CENPP: variants seen among roughly 807,000 people sequenced by gnomAD.
The protein encoded by CENPP is centromere protein P.
CENPP carries 24 observed loss-of-function variants against 35.6 expected under a neutral mutation model. The ratio of observed to expected loss-of-function variants is 0.67; its 90% CI spans 0.49 to 0.95. CENPP has a LOEUF of 0.95. Among genes scored for constraint, CENPP ranks in the 40% least tolerant of loss-of-function variants. The pLI is 0.00. For missense variants in CENPP, 332 were observed against 345.3 expected, an observed-to-expected ratio of 0.96 and a Z score of 0.31; for synonymous variants, 120 against 125.5, an observed-to-expected ratio of 0.96 and a Z score of 0.29.
chr9:92,517,589 C>A, intron 5 of CENPP: 3 of 1,520,912 alleles, frequency 2.0e-6, no homozygotes, highest in Non-Finnish European at 2.7e-6. Context: ...TCAGATCTGA[C>A]TAATGTATCA....
chr9:92,368,382 A>T (rs539569244), intron 4 of CENPP, among the ~76,000 whole-genome samples: 1 of 152,316 alleles, frequency 6.6e-6, no homozygotes, highest in Admixed American at 6.5e-5. Context: ...GGTACCAATC[A>T]TTTTTGGATA....
At chr9:92,489,050 T>C (rs1302113938) in intron 5 of CENPP, among the ~76,000 whole-genome samples, 1 of 152,238 alleles carries the variant, frequency 6.6e-6, no homozygotes, top group East Asian at 1.9e-4. Flanking sequence ...GTATCACCAC[T>C]AAAGTTTACT....
chr9:92,433,738 C>T (rs1238662652), intron 5 of CENPP, among the ~76,000 whole-genome samples: 1 of 151,922 alleles, frequency 6.6e-6, no homozygotes, highest in Non-Finnish European at 1.5e-5. Context: ...TCGAGACCAG[C>T]GTGACCAACA....
chr9:92,484,247 C>A lies in CENPP; in HGVS notation c.564+104388C>A, dbSNP rs1185522748. Among the ~76,000 whole-genome samples, 4 of 152,248 alleles carry A rather than the reference C, an allele frequency of 2.6e-5. No individual in the cohort carries two copies. The East Asian group carries it at 5.8e-4, about 22-fold the overall frequency. On this transcript the variant is annotated intron_variant, in intron 5 of 7. Coordinates refer to ENST00000375587, the MANE Select transcript of CENPP (RefSeq NM_001012267.3). The stretch of plus-strand genomic sequence containing the variant: ...TACAAAATGACCCCAATCAAGAAAT[C>A]CCAGCCTCACACTCCATTCTCATAC...
At chr9:92,533,438 G>A (rs564853260) in intron 5 of CENPP, among the ~76,000 whole-genome samples, 3 of 139,862 alleles carry the variant, frequency 2.1e-5, no homozygotes, top group Non-Finnish European at 4.5e-5. Flanking sequence ...GTTTCTCTCT[G>A]TCCTCCTGAG....
intron 5 of CENPP, among the ~76,000 whole-genome samples, chr9:92,552,816 C>T (rs1375032343): frequency 6.6e-6 from 1 of 152,142 alleles, no homozygotes; most frequent in Non-Finnish European, 1.5e-5. Context: ...CTGACTGTTC[C>T]TTTTGCCGTG....
chr9:92,573,904 C>G (rs560426671), intron 5 of CENPP, among the ~76,000 whole-genome samples: 1 of 152,180 alleles, frequency 6.6e-6, no homozygotes, highest in Admixed American at 6.6e-5. Context: ...GAGCCAGGCG[C>G]GGGATGTAAT....
intron 5 of CENPP, among the ~76,000 whole-genome samples, chr9:92,519,520 A>G (rs1272476942): frequency 6.6e-6 from 1 of 152,206 alleles, no homozygotes; most frequent in Admixed American, 6.5e-5. Flanking sequence ...TTTATGAACA[A>G]TTGATTTTCA....
chr9:92,580,048 T>C (rs1850382587), intron 5 of CENPP, among the ~76,000 whole-genome samples: 2 of 151,568 alleles, frequency 1.3e-5, no homozygotes, highest in Admixed American at 1.3e-4. Context: ...TTTCTGCATC[T>C]ATTGAGATAA....
chr9:92,598,233 G>A (rs1199158233), intron 5 of CENPP, among the ~76,000 whole-genome samples: 2 of 152,198 alleles, frequency 1.3e-5, no homozygotes, highest in Non-Finnish European at 2.9e-5. Flanking sequence ...AAGGGCAGGG[G>A]CCAGCTCTCA....
intron 5 of CENPP, among the ~76,000 whole-genome samples, chr9:92,408,519 G>A (rs75860335): frequency 2.0e-4 from 31 of 152,176 alleles, no homozygotes; most frequent in Admixed American, 6.5e-4. Context: ...ACCTTCCCCT[G>A]ACCTTGGCAA....
intron 5 of CENPP, among the ~76,000 whole-genome samples, chr9:92,492,416 GACA>G (rs1564350935): frequency 6.6e-6 from 1 of 152,214 alleles, no homozygotes; most frequent in Non-Finnish European, 1.5e-5. Flanking sequence ...AGGTGTCCGT[GACA>G]ACTAGAGGAC....
intron 5 of CENPP, among the ~76,000 whole-genome samples, chr9:92,444,686 C>T (rs1038824224): frequency 6.6e-6 from 1 of 152,128 alleles, no homozygotes; most frequent in African/African-American, 2.4e-5. Context: ...GTCCCAGCAC[C>T]ATTTGTTCAC....
chr9:92,385,919 A>G, intron 5 of CENPP: 2 of 811,544 alleles, frequency 2.5e-6, no homozygotes, highest in Non-Finnish European at 2.0e-6. Context: ...TGTCAAATTA[A>G]TTAGGAAATA....
intron 5 of CENPP, among the ~76,000 whole-genome samples, chr9:92,602,984 TTTC>T (rs1204722812): frequency 6.6e-6 from 1 of 151,872 alleles, no homozygotes; most frequent in Non-Finnish European, 1.5e-5. Flanking sequence ...AGAGAAGGGG[TTTC>T]ACCATGTTGG....
At chr9:92,576,279 A>T (rs1850280539) in intron 5 of CENPP, among the ~76,000 whole-genome samples, 1 of 152,250 alleles carries the variant, frequency 6.6e-6, no homozygotes, top group Non-Finnish European at 1.5e-5. Flanking sequence ...GATTTCACTT[A>T]CATGAGGTAC....
intron 5 of CENPP, chr9:92,502,686 T>C (rs1370456571): frequency 3.4e-6 from 5 of 1,480,814 alleles, no homozygotes; most frequent in Non-Finnish European, 3.7e-6. Flanking sequence ...TATTTTTCTT[T>C]TGTGTTAGTT....
intron 5 of CENPP, chr9:92,522,992 G>C (rs1157339198): frequency 8.9e-7 from 1 of 1,128,874 alleles, no homozygotes; most frequent in Non-Finnish European, 1.2e-6. Flanking sequence ...GCAAGTCTTT[G>C]AGAAATTACA....
intron 4 of CENPP, among the ~76,000 whole-genome samples, chr9:92,348,436 A>G (rs754014511): frequency 9.7e-5 from 14 of 143,814 alleles, no homozygotes; most frequent in Non-Finnish European, 1.7e-4. Flanking sequence ...CTTTTTGCCC[A>G]GGCTGGAGTG....
Sources: gnomAD v4.1 joint callset for allele counts (sites outside exome capture counted in the v4.1 genomes callset) on GRCh38, gnomAD v4.1.1 for gene constraint, MANE v1.5 for transcripts, NCBI Gene and HGNC (gene_info 2026-07-23, HGNC 2026-07-21) for gene names.